Variants in NUP188 observed in about 807,000 individuals in gnomAD.
The protein encoded by NUP188 is nucleoporin NUP188.
Under a neutral mutation model 223.0 loss-of-function variants are expected in NUP188, and 97 were observed. The observed-to-expected ratio is 0.43, with a 90% CI of 0.37 to 0.51. The LOEUF (loss-of-function observed/expected upper bound fraction) is 0.51. Among genes scored for constraint, NUP188 ranks in the 20% least tolerant of loss-of-function variants. The pLI is 0.00. For missense variants in NUP188, 1,947 were observed against 2,175.6 expected (o/e 0.89, Z 2.09); for synonymous variants, 869 against 828.0 (o/e 1.05, Z -0.85).
intron 34 of NUP188, among the ~76,000 whole-genome samples, chr9:129,000,389 G>A (rs1588292536): frequency 6.6e-6 from 1 of 152,124 alleles, no homozygotes; most frequent in Non-Finnish European, 1.5e-5. Context: ...TGCGATCTTG[G>A]CTCACTGCAA....
At chr9:129,000,381 C>T (rs1033944592) in intron 34 of NUP188, among the ~76,000 whole-genome samples, 1 of 152,140 alleles carries the variant, frequency 6.6e-6, no homozygotes, top group Non-Finnish European at 1.5e-5. Context: ...TGCAGTGGTG[C>T]GATCTTGGCT....
chr9:128,993,478 G>A (rs765717260), intron 26 of NUP188, 47 bp from the exon 27 acceptor site: 3 of 1,611,518 alleles, frequency 1.9e-6, no homozygotes, highest in Middle Eastern at 1.7e-4. Flanking sequence ...AAGTACAGCT[G>A]CTGGCAGTGG....
intron 15 of NUP188, among the ~76,000 whole-genome samples, chr9:128,982,304 C>T (rs1842265155): frequency 6.6e-6 from 1 of 151,804 alleles, no homozygotes. Flanking sequence ...GTGGTGCGCA[C>T]CTGTAGTCCC....
At chr9:128,999,879 T>C (rs1842610105) in intron 34 of NUP188, 74 bp downstream of exon 34, 1 of 1,418,228 alleles carries the variant, frequency 7.1e-7, no homozygotes, top group Non-Finnish European at 9.8e-7. Context: ...TGGGGATAAG[T>C]AGTGATCAAG....
intron 22 of NUP188, among the ~76,000 whole-genome samples, chr9:128,987,121 GTGTGTGTGTGTA>G (rs1564561364): frequency 6.6e-6 from 1 of 151,272 alleles, no homozygotes; most frequent in African/African-American, 2.4e-5. Flanking sequence ...GTGTGTGTGT[GTGTGTGTGTGTA>G]TGTGTATACA....
intron 31 of NUP188, 124 bp downstream of exon 31, chr9:128,998,352 G>A: frequency 9.4e-7 from 1 of 1,066,692 alleles, no homozygotes; most frequent in South Asian, 1.3e-5. Context: ...ACGTTGGCCT[G>A]GGAGGCCTGA....
chr9:129,005,068 G>C, intron 38 of NUP188, 79 bp from the exon 39 acceptor site: 1 of 954,854 alleles, frequency 1.0e-6, no homozygotes, highest in Non-Finnish European at 1.7e-6. Flanking sequence ...GTGTTACATG[G>C]AGGGCTATTG....
At position 128,999,331 on chromosome 9, in the gene NUP188, G is replaced by A. The variant is rs548205230; in HGVS notation, c.3661+14G>A. The A allele has an allele frequency of 1.9e-6, 3 of 1,611,994 alleles. No homozygotes were observed. In the African/African-American group the frequency reaches 4.0e-5, roughly 21 times the overall value. ...AGGAGATGAAAGGTGAGGGGCAGAG[G>A]CAGGGGGAGCAGCAGCTGCAGTCTG... On this transcript the variant is annotated intron_variant, in intron 33 of 43. Transcript: ENST00000372577.
chr9:129,000,133 A>G (rs1324853781), intron 34 of NUP188, among the ~76,000 whole-genome samples: 1 of 152,198 alleles, frequency 6.6e-6, no homozygotes, highest in African/African-American at 2.4e-5. Context: ...AAGCAGGGGA[A>G]AAAGTTGATC....
At chr9:128,956,911 G>C (rs371567747) in intron 4 of NUP188, 41 bp from the exon 5 acceptor site, 1 of 1,398,714 alleles carries the variant, frequency 7.1e-7, no homozygotes, top group African/African-American at 1.4e-5. Flanking sequence ...TCCTGTGTGC[G>C]ATTTCTGAGC....
chr9:128,964,153 A>G (rs1841994662), intron 8 of NUP188: 1 of 246,478 alleles, frequency 4.1e-6, no homozygotes, highest in South Asian at 3.9e-5. Flanking sequence ...ATGACTAGTG[A>G]TGTTGAACAT....
chr9:128,980,803 C>T, intron 14 of NUP188, 78 bp downstream of exon 14: 1 of 1,491,986 alleles, frequency 6.7e-7, no homozygotes, highest in South Asian at 1.2e-5. Context: ...TTTTGCTTTC[C>T]ACATTGCAGT....
chr9:129,002,797 G>C lies in NUP188; in HGVS notation c.4138-20G>C, dbSNP rs187247659. 6.8e-6 allele frequency: 11 copies of C among 1,611,722 alleles called. No individual in the cohort carries two copies. In the Admixed American group the frequency reaches 1.0e-4, roughly 15 times the overall value. On this transcript the variant is annotated intron_variant, in intron 36 of 43. Transcript: ENST00000372577. The stretch of plus-strand genomic sequence containing the variant: ...GCCTCTCAGCAGGGTTCCTGAGCTT[G>C]TCTGCTGTTTGTATCTTAGACACCT...
At chr9:128,961,114 T>C (rs1312814297) in intron 8 of NUP188, among the ~76,000 whole-genome samples, 1 of 101,176 alleles carries the variant, frequency 9.9e-6, no homozygotes. Flanking sequence ...CCATAAAAAA[T>C]GAAAATGCAA....
At chr9:129,003,227 G>T in intron 37 of NUP188, 90 bp from the exon 38 acceptor site, 1 of 1,463,670 alleles carries the variant, frequency 6.8e-7, no homozygotes. Flanking sequence ...TTGGGGGCCT[G>T]GGACGTTGCC....
chr9:128,988,312 G>A, intron 24 of NUP188, 126 bp downstream of exon 24: 1 of 1,058,566 alleles, frequency 9.4e-7, no homozygotes, highest in South Asian at 1.5e-5. Context: ...GAGGAAGTTT[G>A]GGAATGATTA....
intron 7 of NUP188, 35 bp downstream of exon 7, chr9:128,958,929 C>G: frequency 1.4e-6 from 2 of 1,432,718 alleles, no homozygotes; most frequent in Admixed American, 4.1e-5. Flanking sequence ...TCTCTTTATA[C>G]TGTATCATCT....
chr9:128,998,473 G>A (rs1377823413), intron 31 of NUP188, 65 bp from the exon 32 acceptor site: 9 of 1,379,022 alleles, frequency 6.5e-6, no homozygotes, highest in Non-Finnish European at 9.3e-6. Context: ...TGAGGCCGGA[G>A]GTGCCCTGTG....
At position 128,983,505 on chromosome 9, in the gene NUP188, T is replaced by C; in HGVS notation, c.1916T>C (p.Leu639Ser). 1 of 1,614,220 alleles carries C rather than the reference T, an allele frequency of 6.2e-7. No individual in the cohort carries two copies. The highest frequency in any genetic ancestry group is 8.5e-7 in the Non-Finnish European group (1 of 1,180,032). ...VWTDLRHTGF[L>S]PFVAHPVSSL... ...ACTGATCTTCGTCACACAGGTTTTT[T>C]ACCATTTGTGGCCCATCCTGTCTCC... Residue 639 changes from leucine to serine, a missense_variant, in exon 19 of 44, where the codon TTA becomes TCA. Leu to Ser is a moderately radical substitution (Grantham distance 145). Transcript: ENST00000372577.
Sources: gnomAD v4.1 joint callset for allele counts (sites outside exome capture counted in the v4.1 genomes callset) on GRCh38, gnomAD v4.1.1 for gene constraint, MANE v1.5 for transcripts, NCBI Gene and HGNC (gene_info 2026-07-23, HGNC 2026-07-21) for gene names.